Variants in HSD11B1 observed in about 807,000 individuals in gnomAD.
HSD11B1 encodes the protein hydroxysteroid 11-beta dehydrogenase 1.
Under a neutral mutation model 22.1 loss-of-function variants are expected in HSD11B1, and 15 were observed. That is an observed-to-expected ratio of 0.68 (90% confidence interval 0.45 to 1.04). The LOEUF (loss-of-function observed/expected upper bound fraction) is 1.04. HSD11B1 is among the 50% of genes least tolerant of loss of function. HSD11B1 has a pLI of 0.00. For synonymous variants in HSD11B1, 122 were observed against 125.2 expected, an observed-to-expected ratio of 0.97 and a Z score of 0.17; for missense variants, 281 against 357.6, an observed-to-expected ratio of 0.79 and a Z score of 1.73.
chr1:209,726,633 T>C (rs2077004484), intron 4 of HSD11B1, among the ~76,000 whole-genome samples: 1 of 152,170 alleles, frequency 6.6e-6, no homozygotes, highest in African/African-American at 2.4e-5. Flanking sequence ...CAAGCATCCA[T>C]GTCATGAATT....
At position 209,698,479 on chromosome 1, in the gene HSD11B1, C is replaced by A. The variant is rs541799702; in HGVS notation, c.-48-6416C>A. The stretch of plus-strand genomic sequence containing the variant: ...CTTCCTGAAAGTTGGGCTGGCCAAC[C>A]AAGAAAAAACACAAGATGGGCCAAA... On this transcript the variant is annotated intron_variant, in intron 1 of 6. Transcript: ENST00000261465. Among the ~76,000 whole-genome samples, 5 of 152,226 alleles carry A rather than the reference C, an allele frequency of 3.3e-5. No homozygotes were observed. The South Asian group carries it at 8.3e-4, about 25-fold the overall frequency.
chr1:209,732,671 C>T, intron 5 of HSD11B1, 92 bp downstream of exon 5: 2 of 1,043,312 alleles, frequency 1.9e-6, no homozygotes, highest in South Asian at 1.3e-5. Flanking sequence ...CATATGTATG[C>T]ATGTGCCATG....
chr1:209,706,041 T>C lies in HSD11B1; in HGVS notation c.219+100T>C. On this transcript the variant is annotated intron_variant, in intron 2 of 5. Transcript: ENST00000367027. The surrounding 1 kb of genome is among the most constrained non-coding windows in gnomAD (Gnocchi z 4.0). Reference sequence around the variant, plus strand: ...CAGAAGCTAGCATATCGCAGATCTATATACAGAGGCACATGCACACACACA... The same window carrying C: ...CAGAAGCTAGCATATCGCAGATCTACATACAGAGGCACATGCACACACACA... 6.7e-7 allele frequency: 1 copy of C among 1,494,672 alleles called. No individual in the cohort carries two copies. The highest frequency in any genetic ancestry group is 1.4e-5 in the African/African-American group (1 of 72,724). The allele number at this position is 1,494,672 out of a possible 1,614,324, so 92.6% of individuals were successfully genotyped here. A position where few individuals can be genotyped will look rare whatever the true frequency, so the allele number is the denominator to read the frequency against.
At chr1:209,708,328 T>C (rs2076873521) in intron 4 of HSD11B1, among the ~76,000 whole-genome samples, 1 of 152,226 alleles carries the variant, frequency 6.6e-6, no homozygotes, top group Non-Finnish European at 1.5e-5. Context: ...CTCTGTAAAC[T>C]GTTAAGCACT....
chr1:209,722,571 G>A (rs1279849225), intron 4 of HSD11B1, among the ~76,000 whole-genome samples: 2 of 152,184 alleles, frequency 1.3e-5, no homozygotes, highest in African/African-American at 4.8e-5. Flanking sequence ...GTCTTCTGGG[G>A]TATGGAGAAG....
intron 4 of HSD11B1, chr1:209,723,887 C>T (rs1303635147): frequency 6.6e-6 from 1 of 152,284 alleles, no homozygotes; most frequent in East Asian, 1.9e-4. Context: ...TCAAATCTGA[C>T]TCTTGCATTG....
intron 4 of HSD11B1, among the ~76,000 whole-genome samples, chr1:209,715,001 G>A (rs942468777): frequency 1.3e-5 from 2 of 152,218 alleles, no homozygotes; most frequent in African/African-American, 4.8e-5. Flanking sequence ...ATCTGCAAGA[G>A]GGCCTGCCAT....
chr1:209,695,158 C>A (rs891061389), intron 1 of HSD11B1, among the ~76,000 whole-genome samples: 1 of 152,230 alleles, frequency 6.6e-6, no homozygotes, highest in African/African-American at 2.4e-5. Context: ...TTCCCCTTAG[C>A]CTTCCACCAT....
intron 4 of HSD11B1, among the ~76,000 whole-genome samples, chr1:209,719,648 A>G (rs760996738): frequency 2.8e-4 from 43 of 152,194 alleles, no homozygotes; most frequent in Non-Finnish European, 5.7e-4. Flanking sequence ...ATGAGTGAGA[A>G]CGCGCAATGT....
chr1:209,687,455 T>C (rs1471384892), intron 1 of HSD11B1, among the ~76,000 whole-genome samples: 1 of 152,200 alleles, frequency 6.6e-6, no homozygotes, highest in Non-Finnish European at 1.5e-5. Flanking sequence ...AATCTGAAAA[T>C]CCTAGCTCTT....
intron 4 of HSD11B1, among the ~76,000 whole-genome samples, chr1:209,725,811 G>A (rs1571885198): frequency 6.6e-6 from 1 of 152,170 alleles, no homozygotes; most frequent in Non-Finnish European, 1.5e-5. Context: ...AAATCTGCAG[G>A]TTAATGGTCC....
upstream of HSD11B1, among the ~76,000 whole-genome samples, chr1:209,702,901 T>A (rs946236336): frequency 1.3e-5 from 2 of 152,248 alleles, no homozygotes; most frequent in Non-Finnish European, 2.9e-5. Flanking sequence ...TCTAATCCCA[T>A]GAAACTCACT....
At chr1:209,702,289 G>T (rs1052102057), upstream of HSD11B1, among the ~76,000 whole-genome samples, 1 of 152,230 alleles carries the variant, frequency 6.6e-6, no homozygotes, top group African/African-American at 2.4e-5. Context: ...CAGGAAGACA[G>T]CAATTTTCTC....
rs777944386 is a variant in HSD11B1 at position 209,726,775 on chromosome 1, C to T, written c.518-5661C>T. Among the ~76,000 whole-genome samples, 3 of 152,246 alleles carry T rather than the reference C, an allele frequency of 2.0e-5. No individual in the cohort carries two copies. The South Asian group carries it at 6.2e-4, about 32-fold the overall frequency. On this transcript the variant is annotated intron_variant, in intron 4 of 5. Coordinates refer to ENST00000367027, the MANE Select transcript of HSD11B1 (RefSeq NM_005525.4). ...ATTCTTCTATGTACCTTGAGCATAA[C>T]CTGAGGCATAACTAAGGATAGGCAA...
chr1:209,700,764 CT>C (rs1303527596), upstream of HSD11B1, among the ~76,000 whole-genome samples: 2 of 152,226 alleles, frequency 1.3e-5, no homozygotes, highest in African/African-American at 2.4e-5. Context: ...CAAGTCACCT[CT>C]TGAATGCTTT....
At chr1:209,719,113 G>A (rs2076949334) in intron 4 of HSD11B1, among the ~76,000 whole-genome samples, 1 of 151,206 alleles carries the variant, frequency 6.6e-6, no homozygotes, top group Non-Finnish European at 1.5e-5. Context: ...ATTTGTAATA[G>A]CAAAAACACT....
chr1:209,689,643 A>G (rs564922475), intron 1 of HSD11B1, among the ~76,000 whole-genome samples: 11 of 152,260 alleles, frequency 7.2e-5, no homozygotes, highest in African/African-American at 2.4e-4. Context: ...CTGGTTGTTC[A>G]AAGAGCTTGG....
intron 1 of HSD11B1, among the ~76,000 whole-genome samples, chr1:209,699,729 G>A (rs1002257351): frequency 6.6e-6 from 1 of 152,168 alleles, no homozygotes; most frequent in Non-Finnish European, 1.5e-5. Context: ...TCTCATCGGA[G>A]ACAAGGCAAG....
At chr1:209,721,941 A>G (rs2076969552) in intron 4 of HSD11B1, among the ~76,000 whole-genome samples, 4 of 152,264 alleles carry the variant, frequency 2.6e-5, no homozygotes, top group African/African-American at 7.2e-5. Context: ...AAATAATGCT[A>G]TTGAGGCCCC....
Sources: gnomAD v4.1 joint callset for allele counts (sites outside exome capture counted in the v4.1 genomes callset) on GRCh38, gnomAD v4.1.1 for gene constraint, Gnocchi (gnomAD v3.1) non-coding constraint, MANE v1.5 for transcripts, NCBI Gene and HGNC (gene_info 2026-07-23, HGNC 2026-07-21) for gene names.